The following PRELID2 variants were observed in gnomAD, a reference collection of about 807,000 sequenced individuals.
PRELID2 encodes the protein PRELI domain-containing protein 2.
A neutral mutation model predicts 28.4 loss-of-function variants in PRELID2; 25 were observed. The observed-to-expected ratio is 0.88, with a 90% confidence interval of 0.64 to 1.23. The LOEUF (loss-of-function observed/expected upper bound fraction) is 1.23, where lower values mean the gene tolerates loss of function less well. Ranked by LOEUF, PRELID2 falls within the 50% of genes most tolerant of loss-of-function variation. The pLI is 0.00. For missense variants in PRELID2, 201 were observed against 214.4 expected (o/e 0.94, Z 0.39); for synonymous variants, 76 against 71.6 (o/e 1.06, Z -0.31).
At chr5:145,740,734 T>A (rs1387963924) in intron 1 of PRELID2, among the ~76,000 whole-genome samples, 4 of 117,016 alleles carry the variant, frequency 3.4e-5, no homozygotes, top group Non-Finnish European at 4.9e-5. Flanking sequence ...CATTAAATAT[T>A]ATATATAAAT....
chr5:145,755,157 T>C (rs375595163), downstream of PRELID2, among the ~76,000 whole-genome samples: 4 of 152,044 alleles, frequency 2.6e-5, no homozygotes, highest in South Asian at 2.1e-4. Context: ...TACCAAGAGG[T>C]AGAAGTGGTC....
intron 1 of PRELID2, among the ~76,000 whole-genome samples, chr5:145,668,230 G>C (rs1754635283): frequency 6.6e-6 from 1 of 151,962 alleles, no homozygotes; most frequent in Non-Finnish European, 1.5e-5. Context: ...ACAAAAGACA[G>C]GGAGGCCACA....
intron 1 of PRELID2, among the ~76,000 whole-genome samples, chr5:145,568,517 A>G (rs1752988050): frequency 6.6e-6 from 1 of 152,252 alleles, no homozygotes; most frequent in Non-Finnish European, 1.5e-5. Context: ...TGCAAGGACT[A>G]TATTATGATA....
At chr5:145,276,020 C>T in the PRELID2 span, among the ~76,000 whole-genome samples, 2 of 152,072 alleles carry the variant, frequency 1.3e-5, no homozygotes, top group African/African-American at 2.4e-5. Context: ...CAAGTTTTAT[C>T]ATTAGTAGAA....
the PRELID2 span, among the ~76,000 whole-genome samples, chr5:145,322,802 C>T: frequency 1.3e-4 from 20 of 151,980 alleles, no homozygotes; most frequent in African/African-American, 4.6e-4. Context: ...AATCCCAGAA[C>T]TTTGGGAGGC....
At chr5:145,589,061 T>C (rs1384894194) in intron 1 of PRELID2, among the ~76,000 whole-genome samples, 3 of 152,176 alleles carry the variant, frequency 2.0e-5, no homozygotes, top group African/African-American at 7.2e-5. Context: ...AGAAAGCTAG[T>C]GGCTGGCTAT....
the PRELID2 span, among the ~76,000 whole-genome samples, chr5:145,295,683 A>G: frequency 1.3e-5 from 2 of 152,194 alleles, no homozygotes; most frequent in Non-Finnish European, 2.9e-5. Flanking sequence ...TTTTTCAGAT[A>G]TGAAAACAGA....
intron 5 of PRELID2, among the ~76,000 whole-genome samples, chr5:145,782,750 C>T (rs867703207): frequency 5.3e-5 from 8 of 152,222 alleles, no homozygotes; most frequent in South Asian, 2.1e-4. Flanking sequence ...TTTGAATTAC[C>T]TCTGATGCTC....
At chr5:145,368,274 T>C in the PRELID2 span, among the ~76,000 whole-genome samples, 12 of 151,904 alleles carry the variant, frequency 7.9e-5, no homozygotes. Flanking sequence ...CTCAACATAG[T>C]GTTACGGCTC....
chr5:145,513,232 G>C (rs1752480619), intron 1 of PRELID2, among the ~76,000 whole-genome samples: 1 of 151,744 alleles, frequency 6.6e-6, no homozygotes, highest in African/African-American at 2.4e-5. Context: ...AGGAAGCTAA[G>C]AACCTTGAAA....
intron 1 of PRELID2, among the ~76,000 whole-genome samples, chr5:145,601,384 G>C (rs560674302): frequency 6.6e-6 from 1 of 152,000 alleles, no homozygotes; most frequent in Non-Finnish European, 1.5e-5. Flanking sequence ...CACCAGCCCC[G>C]TTGATGGTTT....
chr5:145,550,708 A>T (rs1286728326), intron 1 of PRELID2, among the ~76,000 whole-genome samples: 1 of 152,226 alleles, frequency 6.6e-6, no homozygotes, highest in Non-Finnish European at 1.5e-5. Flanking sequence ...AACCAAGGGG[A>T]ATAAATTGAA....
the PRELID2 span, among the ~76,000 whole-genome samples, chr5:145,232,983 ACGTG>A: frequency 5.3e-5 from 8 of 150,056 alleles, no homozygotes; most frequent in African/African-American, 1.5e-4. Context: ...ATATATATAT[ACGTG>A]TGTGTGTGTG....
chr5:145,490,902 C>A (rs373875030), intron 1 of PRELID2, among the ~76,000 whole-genome samples: 4 of 151,936 alleles, frequency 2.6e-5, no homozygotes, highest in African/African-American at 9.6e-5. Context: ...CCCCACCCCC[C>A]CATCAAACCC....
In PRELID2 at chr5:145,673,495, G is replaced by A. The variant is rs558887157; in HGVS notation, n.70+91436C>T. Among the ~76,000 whole-genome samples, 4 of 148,668 alleles carry A rather than the reference G, an allele frequency of 2.7e-5. No individual in the cohort carries two copies. In the East Asian group the frequency reaches 7.8e-4, roughly 29 times the overall value. On this transcript the variant is annotated intron_variant and non_coding_transcript_variant, in intron 1 of 2. Coordinates refer to the PRELID2 transcript ENST00000510259. ...AGAAGAAAAAGGAAAGAAAAGAAAA[G>A]AAAAAAAGAAAGCAATAAAATAAAC...
At chr5:145,790,142 TG>T (rs773222100) in intron 5 of PRELID2, among the ~76,000 whole-genome samples, 2 of 152,216 alleles carry the variant, frequency 1.3e-5, no homozygotes, top group African/African-American at 2.4e-5. Context: ...ATCCCACTTC[TG>T]GGTATTTATC....
chr5:145,402,740 A>T, the PRELID2 span, among the ~76,000 whole-genome samples: 4 of 152,200 alleles, frequency 2.6e-5, no homozygotes, highest in African/African-American at 9.6e-5. Context: ...TGTCTGCCAT[A>T]TGTGAGTTGA....
chr5:145,407,509 G>T, the PRELID2 span, among the ~76,000 whole-genome samples: 1 of 152,002 alleles, frequency 6.6e-6, no homozygotes, highest in Non-Finnish European at 1.5e-5. Flanking sequence ...CTTAACTGGT[G>T]GTTTTTCTCT....
At chr5:145,359,217 A>G in the PRELID2 span, among the ~76,000 whole-genome samples, 2 of 152,224 alleles carry the variant, frequency 1.3e-5, no homozygotes, top group South Asian at 2.1e-4. Context: ...CACTCCAGAC[A>G]TGAATTTACA....
Sources: allele counts gnomAD v4.1 joint callset (sites outside exome capture counted in the v4.1 genomes callset), GRCh38; gene constraint gnomAD v4.1.1; transcripts MANE v1.5; gene names NCBI Gene and HGNC (gene_info 2026-07-23, HGNC 2026-07-21).